The following TMTC2 variants were observed in gnomAD, a reference collection of about 807,000 sequenced individuals.
TMTC2 encodes the protein transmembrane O-mannosyltransferase targeting cadherins 2.
A neutral mutation model predicts 82.4 loss-of-function variants in TMTC2; 43 were observed. The ratio of observed to expected loss-of-function variants is 0.52; its 90% CI spans 0.41 to 0.67. The LOEUF (loss-of-function observed/expected upper bound fraction) is 0.67. Ranked by LOEUF, TMTC2 falls within the 30% of genes least tolerant of loss-of-function variation. The pLI is 0.00. For synonymous variants in TMTC2, 408 were observed against 381.9 expected (o/e 1.07, Z -0.80); for missense variants, 919 against 1,012.4 (o/e 0.91, Z 1.25).
intron 8 of TMTC2, among the ~76,000 whole-genome samples, chr12:82,999,372 G>A (rs770724951): frequency 6.6e-6 from 1 of 152,150 alleles, no homozygotes; most frequent in Admixed American, 6.5e-5. Flanking sequence ...ATCTATTAGC[G>A]ATGTGACTTA....
At chr12:83,002,558 T>C (rs1385989461) in intron 8 of TMTC2, among the ~76,000 whole-genome samples, 1 of 152,158 alleles carries the variant, frequency 6.6e-6, no homozygotes, top group African/African-American at 2.4e-5. Context: ...CACTGTAAAC[T>C]TTCCTCTTAA....
chr12:82,824,843 C>T (rs1265851733), intron 1 of TMTC2, among the ~76,000 whole-genome samples: 17 of 152,144 alleles, frequency 1.1e-4, no homozygotes, highest in Non-Finnish European at 1.5e-5. Flanking sequence ...AATCCCAGCA[C>T]TTTGGGAGTC....
intron 11 of TMTC2, among the ~76,000 whole-genome samples, chr12:83,069,534 T>G (rs1038297494): frequency 3.3e-5 from 5 of 152,194 alleles, no homozygotes. Flanking sequence ...GCCCATTTTT[T>G]GATGGGATTG....
intron 3 of TMTC2, among the ~76,000 whole-genome samples, chr12:82,910,314 C>G (rs879416638): frequency 2.0e-5 from 3 of 152,106 alleles, no homozygotes; most frequent in African/African-American, 4.8e-5. Flanking sequence ...CCCCTCACAG[C>G]GCGTGTGAAG....
At chr12:83,125,226 A>G (rs553330846) in intron 11 of TMTC2, among the ~76,000 whole-genome samples, 2 of 152,162 alleles carry the variant, frequency 1.3e-5, no homozygotes, top group Non-Finnish European at 2.9e-5. Context: ...CCTTGAGTGA[A>G]CTTATATCAA....
In TMTC2 at chr12:82,965,670, C is replaced by T. The variant is rs1002560533; in HGVS notation, c.1795C>T (p.His599Tyr). 10 of 1,613,740 alleles carry T rather than the reference C, an allele frequency of 6.2e-6. No individual in the cohort carries two copies. The Admixed American group carries it at 1.0e-4, about 16-fold the overall frequency. ...EIPDENLKDP[H>Y]AHKSSVTSCL... Reference sequence around the variant, plus strand: ...CCCAGATGAAAACCTAAAGGACCCTCATGCACACAAGAGCTCTGTTACCAG... The same window carrying T: ...CCCAGATGAAAACCTAAAGGACCCTTATGCACACAAGAGCTCTGTTACCAG... The change falls in exon 6 of 12, where the codon CAT becomes TAT. Residue 599 changes from histidine (H) to tyrosine (Y), a missense_variant. Transcript: ENST00000321196.
chr12:82,914,142 G>A (rs536261698), intron 3 of TMTC2, among the ~76,000 whole-genome samples: 2 of 152,234 alleles, frequency 1.3e-5, no homozygotes, highest in East Asian at 3.9e-4. Context: ...TCAACTGAAA[G>A]TACAGAAGAA....
At chr12:82,770,778 T>C (rs1877252612) in intron 1 of TMTC2, among the ~76,000 whole-genome samples, 1 of 152,178 alleles carries the variant, frequency 6.6e-6, no homozygotes, top group South Asian at 2.1e-4. Context: ...GTACTTAAAG[T>C]ATAACCTTTA....
At chr12:83,045,405 C>T (rs1418858646) in intron 9 of TMTC2, among the ~76,000 whole-genome samples, 1 of 152,054 alleles carries the variant, frequency 6.6e-6, no homozygotes, top group African/African-American at 2.4e-5. Context: ...ATAAATTTTA[C>T]TTACGCTGTT....
chr12:82,826,507 A>G (rs1025010644), intron 1 of TMTC2, among the ~76,000 whole-genome samples: 1 of 152,250 alleles, frequency 6.6e-6, no homozygotes, highest in African/African-American at 2.4e-5. Flanking sequence ...TGTGCTTAAA[A>G]AAAAGATATT....
intron 2 of TMTC2, among the ~76,000 whole-genome samples, chr12:82,871,949 C>G (rs182762292): frequency 4.3e-4 from 65 of 151,854 alleles, no homozygotes; most frequent in African/African-American, 1.5e-3. Context: ...TAACCATTCT[C>G]CAGATAATTT....
rs141289719 is a variant in TMTC2 at position 82,773,084 on chromosome 12, T to C, written c.84-83926T>C. Among the ~76,000 whole-genome samples the C allele has an allele frequency of 4.5e-3, 682 of 152,336 alleles. 1 individual carries two copies. The highest frequency in any genetic ancestry group is 0.016 in the African/African-American group (649 of 41,568). On this transcript the variant is annotated intron_variant, in intron 1 of 11. Transcript: ENST00000321196. ...AAAATTTATATGCCATGTTGGTTTT[T>C]TGATGGAAAATGGATCCCAAGTGAA...
intron 2 of TMTC2, among the ~76,000 whole-genome samples, chr12:82,879,504 G>T (rs1468291102): frequency 2.0e-5 from 3 of 152,202 alleles, no homozygotes; most frequent in African/African-American, 7.2e-5. Context: ...AGGTGGTAAT[G>T]CCTGCTCACC....
intron 4 of TMTC2, among the ~76,000 whole-genome samples, chr12:82,939,865 CT>C (rs2137260197): frequency 6.6e-6 from 1 of 152,238 alleles, no homozygotes; most frequent in South Asian, 2.1e-4. Flanking sequence ...TCAATGTGAA[CT>C]TGACCCATAG....
intron 7 of TMTC2, among the ~76,000 whole-genome samples, chr12:82,974,858 C>T (rs774508886): frequency 3.3e-5 from 5 of 152,122 alleles, no homozygotes; most frequent in Admixed American, 6.6e-5. Flanking sequence ...AGATTCTTTT[C>T]GGCCTCTCTT....
intron 8 of TMTC2, among the ~76,000 whole-genome samples, chr12:83,018,100 C>G (rs1880760247): frequency 6.6e-6 from 1 of 151,246 alleles, no homozygotes; most frequent in Admixed American, 6.6e-5. Flanking sequence ...GTTTTATCCT[C>G]TTACAAGAGC....
intron 8 of TMTC2, among the ~76,000 whole-genome samples, chr12:83,007,753 T>G (rs1880268812): frequency 6.6e-6 from 1 of 152,220 alleles, no homozygotes; most frequent in Non-Finnish European, 1.5e-5. Context: ...GATCCAAGTC[T>G]CTGATATCAT....
chr12:82,831,653 G>A (rs1273329925), intron 1 of TMTC2, among the ~76,000 whole-genome samples: 1 of 152,076 alleles, frequency 6.6e-6, no homozygotes, highest in Non-Finnish European at 1.5e-5. Flanking sequence ...CTAATACTTA[G>A]GGTGGAAATC....
intron 4 of TMTC2, among the ~76,000 whole-genome samples, chr12:82,951,782 C>A (rs1188396063): frequency 6.6e-6 from 1 of 152,140 alleles, no homozygotes; most frequent in East Asian, 1.9e-4. Flanking sequence ...CTCGAAAGTA[C>A]GTGTTTTAAA....
Sources: allele counts gnomAD v4.1 joint callset (sites outside exome capture counted in the v4.1 genomes callset), GRCh38; gene constraint gnomAD v4.1.1; transcripts MANE v1.5; gene names NCBI Gene and HGNC (gene_info 2026-07-23, HGNC 2026-07-21).